ANKS1B: variants seen among roughly 807,000 people sequenced by gnomAD.
The protein encoded by ANKS1B is ankyrin repeat and sterile alpha motif domain containing 1B, also known as ankyrin repeat and sterile alpha motif domain-containing protein 1B.
ANKS1B carries 36 observed loss-of-function variants against 148.3 expected under a neutral mutation model. That is an observed-to-expected ratio of 0.24 (90% CI 0.19 to 0.32). ANKS1B has a LOEUF of 0.32. ANKS1B is among the 10% of genes least tolerant of loss of function. The pLI is 1.00. For missense variants in ANKS1B, 1,157 were observed against 1,542.6 expected (o/e 0.75, Z 4.19); for synonymous variants, 542 against 560.8 (o/e 0.97, Z 0.47).
chr12:98,845,708 C>T (rs1394931659), intron 17 of ANKS1B, among the ~76,000 whole-genome samples: 1 of 151,420 alleles, frequency 6.6e-6, no homozygotes, highest in Non-Finnish European at 1.5e-5. Flanking sequence ...AGTAATGATT[C>T]CCAGATAATT....
At chr12:99,382,228 G>A (rs966526528) in intron 12 of ANKS1B, among the ~76,000 whole-genome samples, 1 of 152,198 alleles carries the variant, frequency 6.6e-6, no homozygotes, top group Middle Eastern at 3.4e-3. Flanking sequence ...TGCCACTCAG[G>A]GAGATGAATC....
chr12:99,417,412 T>C (rs1211844205), intron 11 of ANKS1B, among the ~76,000 whole-genome samples: 1 of 152,196 alleles, frequency 6.6e-6, no homozygotes, highest in Non-Finnish European at 1.5e-5. Flanking sequence ...TAAGTGTCTA[T>C]CCCTTCACTG....
At chr12:99,174,959 G>A (rs149723921) in intron 14 of ANKS1B, among the ~76,000 whole-genome samples, 2 of 152,244 alleles carry the variant, frequency 1.3e-5, no homozygotes, top group African/African-American at 4.8e-5. Flanking sequence ...TAAGAAAACT[G>A]ATGCTCAATG....
chr12:99,928,054 CTT>C (rs1489664663), intron 1 of ANKS1B, among the ~76,000 whole-genome samples: 2 of 151,962 alleles, frequency 1.3e-5, no homozygotes, highest in South Asian at 2.1e-4. Flanking sequence ...TTATAGAACT[CTT>C]GTTATATAGA....
rs1770987677 is a variant in ANKS1B, at chr12:99,292,381, G to A, written c.1757-45517C>T. ...ATAAAAATAAAAATAAATTAGCCAG[G>A]TGTGGTGGTGGGTGCCTGTAGTCCC... On this transcript the variant is annotated intron_variant, in intron 12 of 26. Coordinates refer to ENST00000683438, the MANE Select transcript of ANKS1B (RefSeq NM_001352186.2). 2.1e-5 allele frequency among the ~76,000 whole-genome samples: 3 copies of A among 143,206 alleles called. No individual in the cohort carries two copies. The South Asian group carries it at 6.5e-4, about 31-fold the overall frequency. The allele number at this position is 143,206 out of a possible 152,430, so 93.9% of individuals were successfully genotyped here.
At chr12:99,251,372 G>T (rs971847008) in intron 12 of ANKS1B, among the ~76,000 whole-genome samples, 3 of 151,992 alleles carry the variant, frequency 2.0e-5, no homozygotes, top group Non-Finnish European at 4.4e-5. Context: ...TTACTCCTTT[G>T]TTTCTGTTTG....
intron 12 of ANKS1B, among the ~76,000 whole-genome samples, chr12:99,313,260 T>C (rs569622533): frequency 6.6e-6 from 1 of 151,962 alleles, no homozygotes; most frequent in African/African-American, 2.4e-5. Flanking sequence ...CAGTTTGAAA[T>C]TGAGGCAGTA....
rs189383519 is a variant in ANKS1B at position 99,883,605 on chromosome 12, T to C, written c.135-58216A>G. ...GTAAAGACCATGAAAAGACAAGGCA[T>C]AGACTTGGGGCAGGGGGGAATCTGC... On this transcript the variant is annotated intron_variant, in intron 1 of 26. Transcript: ENST00000683438. Among the ~76,000 whole-genome samples the C allele has an allele frequency of 8.4e-4, 111 of 132,228 alleles. No individual in the cohort carries two copies. The East Asian group carries it at 0.013, about 15-fold the overall frequency. The allele number at this position is 132,228 out of a possible 152,430, so 86.7% of individuals were successfully genotyped here.
At chr12:98,760,107 A>G (rs1406334800) in intron 25 of ANKS1B, among the ~76,000 whole-genome samples, 3 of 152,250 alleles carry the variant, frequency 2.0e-5, no homozygotes, top group Non-Finnish European at 4.4e-5. Context: ...TCAAATGTGA[A>G]TAGTAGTTAT....
At chr12:99,173,933 T>G (rs2078079163) in intron 14 of ANKS1B, among the ~76,000 whole-genome samples, 1 of 152,214 alleles carries the variant, frequency 6.6e-6, no homozygotes, top group Admixed American at 6.5e-5. Context: ...GCATTGATTC[T>G]TAGTTCCTTC....
intron 17 of ANKS1B, among the ~76,000 whole-genome samples, chr12:98,839,153 G>A (rs756742162): frequency 3.3e-5 from 5 of 152,174 alleles, no homozygotes; most frequent in Admixed American, 3.3e-4. Flanking sequence ...TTCTAGCTAA[G>A]TAATCTTTAA....
At chr12:99,311,820 T>C (rs770597063) in intron 12 of ANKS1B, among the ~76,000 whole-genome samples, 1 of 152,134 alleles carries the variant, frequency 6.6e-6, no homozygotes, top group African/African-American at 2.4e-5. Context: ...GTGCTTTTTA[T>C]TGTTATATAT....
At chr12:99,573,198 C>A (rs1483596549) in intron 9 of ANKS1B, among the ~76,000 whole-genome samples, 1 of 152,010 alleles carries the variant, frequency 6.6e-6, no homozygotes, top group East Asian at 1.9e-4. Context: ...ACTAATATAG[C>A]TTTTTGTTCC....
intron 12 of ANKS1B, among the ~76,000 whole-genome samples, chr12:99,362,379 CCTTA>C (rs2092533346): frequency 6.6e-6 from 1 of 151,890 alleles, no homozygotes; most frequent in Admixed American, 6.6e-5. Context: ...CTGTCATTGT[CCTTA>C]CTTTATAGAT....
intron 1 of ANKS1B, among the ~76,000 whole-genome samples, chr12:99,881,186 C>T (rs1317148661): frequency 6.6e-6 from 1 of 152,346 alleles, no homozygotes; most frequent in East Asian, 1.9e-4. Flanking sequence ...AGTCCTCTAG[C>T]TCTGGCTCAA....
chr12:99,292,492 G>T (rs2080152373), intron 12 of ANKS1B, among the ~76,000 whole-genome samples: 1 of 149,222 alleles, frequency 6.7e-6, no homozygotes, highest in African/African-American at 2.5e-5. Context: ...TCCAGCCTGG[G>T]CGACAGAGCA....
intron 12 of ANKS1B, among the ~76,000 whole-genome samples, chr12:99,265,182 C>T (rs1245666047): frequency 1.3e-5 from 2 of 152,248 alleles, no homozygotes; most frequent in East Asian, 3.9e-4. Flanking sequence ...AGCAGTGGTT[C>T]TCATAGTGTG....
chr12:99,706,054 T>C (rs2055709140), intron 8 of ANKS1B, among the ~76,000 whole-genome samples: 2 of 151,986 alleles, frequency 1.3e-5, no homozygotes, highest in African/African-American at 2.4e-5. Flanking sequence ...AACAAGTAAA[T>C]AGAGAAGACT....
intron 24 of ANKS1B, among the ~76,000 whole-genome samples, chr12:98,778,643 A>G (rs2098703845): frequency 6.6e-6 from 1 of 152,200 alleles, no homozygotes; most frequent in South Asian, 2.1e-4. Flanking sequence ...GAATCTAGGT[A>G]TCTGGGCATG....
Sources: allele counts gnomAD v4.1 joint callset (sites outside exome capture counted in the v4.1 genomes callset), GRCh38; gene constraint gnomAD v4.1.1; transcripts MANE v1.5; gene names NCBI Gene and HGNC (gene_info 2026-07-23, HGNC 2026-07-21).